Variants in AKAP7 observed in about 807,000 individuals in gnomAD.
AKAP7 encodes A kinase (PRKA) anchor protein 7.
Under a neutral mutation model 39.5 loss-of-function variants are expected in AKAP7, and 39 were observed. That is an observed-to-expected ratio of 0.99 (90% confidence interval 0.76 to 1.29). AKAP7 has a LOEUF of 1.29. Among genes scored for constraint, AKAP7 ranks in the 50% most tolerant of loss-of-function variants. AKAP7 has a pLI of 0.00. For synonymous variants in AKAP7, 140 were observed against 139.1 expected (o/e 1.01, Z -0.05); for missense variants, 414 against 407.7 (o/e 1.02, Z -0.13).
chr6:131,283,118 A>G lies in AKAP7; in HGVS notation c.*1392A>G, dbSNP rs1377260930. ...TAATTATTGCGATCACTGGTTAAGA[A>G]TGTTTTATATATCCTTATAATATTT... On this transcript the variant is annotated 3_prime_UTR_variant, in exon 8 of 8. Transcript: ENST00000431975. The G allele has an allele frequency of 6.5e-6, 1 of 152,842 alleles. No individual in the cohort carries two copies. The highest frequency in any genetic ancestry group is 1.5e-5 in the Non-Finnish European group (1 of 68,178). 9.5% of individuals were successfully genotyped at this position (152,842 alleles called of 1,614,324 possible).
At chr6:131,230,241 C>A (rs958517356) in intron 7 of AKAP7, among the ~76,000 whole-genome samples, 14 of 152,216 alleles carry the variant, frequency 9.2e-5, no homozygotes, top group African/African-American at 3.4e-4. Flanking sequence ...CTTTTCTCTG[C>A]AGCCTGAGCA....
intron 7 of AKAP7, among the ~76,000 whole-genome samples, chr6:131,278,118 T>C (rs1478527333): frequency 6.6e-6 from 1 of 152,202 alleles, no homozygotes. Context: ...TCAATTCACT[T>C]GACTAACAAA....
intron 7 of AKAP7, among the ~76,000 whole-genome samples, chr6:131,239,015 C>T (rs1239793707): frequency 1.3e-5 from 2 of 152,158 alleles, no homozygotes; most frequent in East Asian, 1.9e-4. Flanking sequence ...ATGGTCTTTA[C>T]AATTTGGCAT....
chr6:131,268,654 G>A (rs1222990957), intron 7 of AKAP7, among the ~76,000 whole-genome samples: 7 of 152,050 alleles, frequency 4.6e-5, no homozygotes, highest in African/African-American at 9.7e-5. Flanking sequence ...GACGTACATC[G>A]GTGAACATTG....
chr6:131,164,682 A>T (rs1803307072), intron 3 of AKAP7: 1 of 307,624 alleles, frequency 3.3e-6, no homozygotes, highest in African/African-American at 2.2e-5. Context: ...TGCTGGCTTG[A>T]CCTTTCTGTG....
intron 7 of AKAP7, among the ~76,000 whole-genome samples, chr6:131,254,535 T>A (rs1221387811): frequency 6.6e-6 from 1 of 152,232 alleles, no homozygotes; most frequent in Non-Finnish European, 1.5e-5. Flanking sequence ...CTTTTGCTGT[T>A]GCTGATTTTC....
intron 5 of AKAP7, among the ~76,000 whole-genome samples, chr6:131,176,341 T>C (rs1804578623): frequency 6.6e-6 from 1 of 152,054 alleles, no homozygotes; most frequent in Admixed American, 6.5e-5. Flanking sequence ...ACCCAGTAGC[T>C]GATAGAATTA....
intron 1 of AKAP7, 136 bp downstream of exon 1, chr6:131,135,918 C>G (rs1304202591): frequency 9.8e-7 from 1 of 1,023,610 alleles, no homozygotes; most frequent in African/African-American, 1.7e-5. Flanking sequence ...CCCAAAAGGA[C>G]TCAGGGTAGC....
rs1330799713 is a variant in AKAP7, at chr6:131,143,805, G to T, written c.20-1480G>T. On this transcript the variant is annotated intron_variant, in intron 1 of 7. Transcript: ENST00000431975. ...TATTGATCATTCTTGGGTGTTTCTC[G>T]CAGAGGGGGATTTGGCAGGGTCATA... Among the ~76,000 whole-genome samples the T allele has an allele frequency of 4.3e-5, 6 of 139,012 alleles. No homozygotes were observed. The South Asian group carries it at 1.4e-3, about 33-fold the overall frequency. The allele number at this position is 139,012 out of a possible 152,430, so 91.2% of individuals were successfully genotyped here.
intron 1 of AKAP7, among the ~76,000 whole-genome samples, chr6:131,142,002 G>A (rs1801084232): frequency 6.6e-6 from 1 of 151,590 alleles, no homozygotes. Flanking sequence ...AAGTGGCATG[G>A]CAGCTTCTGA....
chr6:131,211,772 CAAAAAAAAAA>C (rs202168206), intron 6 of AKAP7, among the ~76,000 whole-genome samples: 5 of 83,950 alleles, frequency 6.0e-5, no homozygotes, highest in African/African-American at 2.5e-4. Context: ...GACTCCGTCT[CAAAAAAAAAA>C]AAAAAAAAAA....
At chr6:131,246,023 G>A (rs1287317275) in intron 7 of AKAP7, among the ~76,000 whole-genome samples, 1 of 151,624 alleles carries the variant, frequency 6.6e-6, no homozygotes, top group Non-Finnish European at 1.5e-5. Context: ...GTTTTGTAGA[G>A]TCAGAATCTT....
At chr6:131,172,384 C>G (rs1046532405) in intron 5 of AKAP7, among the ~76,000 whole-genome samples, 1 of 152,232 alleles carries the variant, frequency 6.6e-6, no homozygotes, top group East Asian at 1.9e-4. Context: ...GAGTCTTGCT[C>G]TGTCACCCAG....
intron 2 of AKAP7, 115 bp downstream of exon 2, chr6:131,145,531 T>C (rs1801414229): frequency 1.6e-6 from 1 of 639,504 alleles, no homozygotes; most frequent in Non-Finnish European, 2.2e-6. Flanking sequence ...TTTTTGAGTT[T>C]TAATTTTGAT....
rs76715291 is a variant in AKAP7, at chr6:131,231,884, G to T, written c.850+12076G>T. 3.4e-3 allele frequency among the ~76,000 whole-genome samples: 520 copies of T among 152,234 alleles called. 14 individuals are homozygous for T. The highest frequency in any genetic ancestry group is 0.031 in the East Asian group (159 of 5,188). On this transcript the variant is annotated intron_variant, in intron 7 of 7. Coordinates refer to ENST00000431975, the MANE Select transcript of AKAP7 (RefSeq NM_016377.4). ...TTTGATGAAACATGCCTTCTAAAAA[G>T]AAAATGTTTAAAATTTGTTGTTATA...
chr6:131,279,798 T>C (rs534934211), intron 7 of AKAP7, among the ~76,000 whole-genome samples: 20 of 152,302 alleles, frequency 1.3e-4, no homozygotes, highest in Non-Finnish European at 1.5e-5. Context: ...ACAAGTAGGA[T>C]GGCAGATGTA....
chr6:131,246,387 T>G (rs929778169), intron 7 of AKAP7, among the ~76,000 whole-genome samples: 3 of 152,202 alleles, frequency 2.0e-5, no homozygotes, highest in East Asian at 1.9e-4. Context: ...AAAGAAAGCA[T>G]GGAAAGGTTA....
chr6:131,242,772 A>G (rs1372454728), intron 7 of AKAP7, among the ~76,000 whole-genome samples: 2 of 152,214 alleles, frequency 1.3e-5, no homozygotes, highest in East Asian at 1.9e-4. Context: ...ATTTCAATAT[A>G]TGTGAGAAGT....
Position 131,145,387 on chromosome 6 carries a change from C to T in AKAP7, c.122C>T (p.Ala41Val). 1 of 1,554,706 alleles carries T rather than the reference C, an allele frequency of 6.4e-7. No individual in the cohort carries two copies. Among genetic ancestry groups the T allele is most frequent in the East Asian group, 2.3e-5 (1 of 43,230 alleles). Reference sequence around the variant, plus strand: ...GATTCTCTGGTAGACATGCCATTTGCTACTGTAGATATTCAGGATGACTGT... The same window carrying T: ...GATTCTCTGGTAGACATGCCATTTGTTACTGTAGATATTCAGGATGACTGT... ...TMDSLVDMPF[A>V]TVDIQDDCGI... The change falls in exon 2 of 8, where the codon GCT becomes GTT. Residue 41 changes from alanine to valine, a missense_variant. By Grantham distance (64) the Ala-to-Val change is moderately conservative (BLOSUM62 0). Transcript: ENST00000431975.
Sources: allele counts gnomAD v4.1 joint callset (sites outside exome capture counted in the v4.1 genomes callset), GRCh38; gene constraint gnomAD v4.1.1; transcripts MANE v1.5; gene names NCBI Gene and HGNC (gene_info 2026-07-23, HGNC 2026-07-21).